The following CCDC93 variants were observed in gnomAD, a reference collection of about 807,000 sequenced individuals.
CCDC93 encodes coiled-coil domain-containing protein 93.
CCDC93 carries 61 observed loss-of-function variants against 108.2 expected under a neutral mutation model. That is an observed-to-expected ratio of 0.56 (90% CI 0.46 to 0.70). The LOEUF is 0.70. Among genes scored for constraint, CCDC93 ranks in the 30% least tolerant of loss-of-function variants. The pLI, the probability that CCDC93 is intolerant of heterozygous loss-of-function variation, is 0.00. For synonymous variants in CCDC93, 276 were observed against 260.4 expected, an observed-to-expected ratio of 1.06 and a Z score of -0.58; for missense variants, 685 against 764.2, an observed-to-expected ratio of 0.90 and a Z score of 1.22.
chr2:117,969,974 G>A (rs924157428), intron 11 of CCDC93, among the ~76,000 whole-genome samples: 2 of 152,046 alleles, frequency 1.3e-5, no homozygotes, highest in African/African-American at 4.8e-5. Context: ...CATTCTTACT[G>A]AAAGGCCCCA....
intron 6 of CCDC93, among the ~76,000 whole-genome samples, chr2:117,994,011 C>T (rs1264688433): frequency 6.6e-6 from 1 of 152,178 alleles, no homozygotes; most frequent in African/African-American, 2.4e-5. Flanking sequence ...GGATTACAGG[C>T]GTGAGCCACT....
Position 117,974,867 on chromosome 2 carries a change from C to A in CCDC93, c.784G>T (p.Ala262Ser). 7 of 1,571,602 alleles carry A rather than the reference C, an allele frequency of 4.5e-6. No homozygotes were observed. The highest frequency in any genetic ancestry group is 3.3e-4 in the Middle Eastern group (2 of 5,974). ...CCACTCACCTCCTCATTTGCCATAG[C>A]GGTCATCTTGGTCATCAGCGACTGA... is the stretch of plus-strand genomic sequence containing the variant. ...RIQSLMTKMT[A>S]MANEESRLTA... is the part of the protein sequence containing the mutation. The change falls in exon 10 of 24, where the codon GCT becomes TCT. Residue 262 changes from alanine (A) to serine (S), a missense_variant. Ala to Ser is a moderately conservative substitution (Grantham distance 99). Coordinates refer to ENST00000376300, the MANE Select transcript of CCDC93 (RefSeq NM_019044.5).
intron 1 of CCDC93, among the ~76,000 whole-genome samples, chr2:118,009,611 G>A (rs1282363095): frequency 6.6e-6 from 1 of 152,206 alleles, no homozygotes; most frequent in African/African-American, 2.4e-5. Flanking sequence ...GGCGGGGGTT[G>A]CAGTGAGGTG....
At chr2:117,933,422 G>C (rs1678411697) in intron 22 of CCDC93, among the ~76,000 whole-genome samples, 1 of 152,134 alleles carries the variant, frequency 6.6e-6, no homozygotes, top group Non-Finnish European at 1.5e-5. Context: ...TCACACCCTA[G>C]GTCTGTGAAG....
chr2:117,933,676 G>C (rs932193347), intron 22 of CCDC93, among the ~76,000 whole-genome samples: 4 of 151,544 alleles, frequency 2.6e-5, no homozygotes, highest in African/African-American at 4.9e-5. Flanking sequence ...ATGAGAGCAG[G>C]ACCCATTAAG....
At chr2:117,949,688 G>A in intron 13 of CCDC93, 1 of 877,992 alleles carries the variant, frequency 1.1e-6, no homozygotes, top group Non-Finnish European at 1.4e-6. Context: ...ATGTGAATGT[G>A]TTACTTATTC....
intron 13 of CCDC93, chr2:117,951,277 G>T: frequency 1.0e-6 from 1 of 985,276 alleles, no homozygotes; most frequent in East Asian, 1.1e-4. Flanking sequence ...AAGGAACCCA[G>T]TCACAGAGCA....
intron 23 of CCDC93, among the ~76,000 whole-genome samples, chr2:117,922,327 A>G (rs553905629): frequency 6.6e-6 from 1 of 152,084 alleles, no homozygotes; most frequent in Non-Finnish European, 1.5e-5. Context: ...AATACAAAAG[A>G]GGCGCTTTGG....
At chr2:117,975,096 TG>T in intron 9 of CCDC93, 91 bp downstream of exon 9, 1 of 1,171,382 alleles carries the variant, frequency 8.5e-7, no homozygotes, top group Non-Finnish European at 1.3e-6. Flanking sequence ...CTGTGGGAGG[TG>T]GTGGCCATTT....
chr2:117,958,591 C>T (rs1679291486), intron 11 of CCDC93, 110 bp from the exon 12 acceptor site: 1 of 704,376 alleles, frequency 1.4e-6, no homozygotes, highest in East Asian at 2.5e-5. Context: ...CCAGTCACAC[C>T]AAGCCAGGGC....
At chr2:117,991,925 G>A (rs1410280398) in intron 6 of CCDC93, among the ~76,000 whole-genome samples, 1 of 152,148 alleles carries the variant, frequency 6.6e-6, no homozygotes, top group African/African-American at 2.4e-5. Context: ...CAGCCCTAGA[G>A]TTTCTGAGAC....
In CCDC93 at chr2:117,918,240, A is replaced by C. The variant is rs1186957631; in HGVS notation, c.*2103T>G. On this transcript the variant is annotated 3_prime_UTR_variant, in exon 24 of 24. Transcript: ENST00000376300. ...TGCAGCAAGTGTGAAATTTGAGCTC[A>C]AACTGGCTTCTGTAGTCTAATTCAA... The C allele has an allele frequency of 6.6e-6, 1 of 152,194 alleles. No individual in the cohort carries two copies. The highest frequency in any genetic ancestry group is 1.5e-5 in the Non-Finnish European group (1 of 68,034). 9.4% of individuals were successfully genotyped at this position (152,194 alleles called of 1,614,324 possible).
intron 23 of CCDC93, among the ~76,000 whole-genome samples, chr2:117,927,369 C>T (rs1318348555): frequency 1.3e-5 from 2 of 152,142 alleles, no homozygotes; most frequent in Admixed American, 1.3e-4. Flanking sequence ...ATCTAGAAAA[C>T]CCCACTGTCT....
At chr2:117,968,096 G>C (rs1461620969) in intron 11 of CCDC93, among the ~76,000 whole-genome samples, 1 of 152,138 alleles carries the variant, frequency 6.6e-6, no homozygotes, top group African/African-American at 2.4e-5. Context: ...CTGTCTTAGG[G>C]AGAAGTCAAC....
intron 3 of CCDC93, among the ~76,000 whole-genome samples, chr2:118,003,266 A>G (rs1676763815): frequency 2.0e-5 from 3 of 152,206 alleles, no homozygotes; most frequent in African/African-American, 4.8e-5. Context: ...ATTTGGCAAC[A>G]TATCTAAGGT....
intron 12 of CCDC93, among the ~76,000 whole-genome samples, chr2:117,957,171 G>T (rs545828034): frequency 6.6e-6 from 1 of 152,120 alleles, no homozygotes; most frequent in Non-Finnish European, 1.5e-5. Flanking sequence ...GATTACAGGC[G>T]TGAGCCACCA....
Position 117,996,373 on chromosome 2 carries a change from A to C in CCDC93, c.364-11T>G, listed in dbSNP as rs1361979210. Reference sequence around the variant, plus strand: ...TCGTTTCACCAGCCACTGGGGAAGAAAGTGAAAAGACAAGAGTTGCTAAGG... The same window carrying C: ...TCGTTTCACCAGCCACTGGGGAAGACAGTGAAAAGACAAGAGTTGCTAAGG... On this transcript the variant is annotated splice_polypyrimidine_tract_variant and intron_variant, in intron 4 of 23. Coordinates refer to ENST00000376300, the MANE Select transcript of CCDC93 (RefSeq NM_019044.5). 1.3e-6 allele frequency: 2 copies of C among 1,594,402 alleles called. No homozygotes were observed. Among genetic ancestry groups the C allele is most frequent in the Admixed American group, 1.7e-5 (1 of 59,986 alleles).
chr2:117,924,832 T>G (rs772710550), intron 23 of CCDC93, among the ~76,000 whole-genome samples: 7 of 152,174 alleles, frequency 4.6e-5, no homozygotes, highest in Non-Finnish European at 8.8e-5. Context: ...AATTGTCAGA[T>G]TCACCAAAGT....
rs1253164544 is a variant in CCDC93 at position 117,971,695 on chromosome 2, T to A, written c.888+2213A>T. ...TGGAAAAGGCAGAAATGAACCAAGATATGGCTTCAAATGGTGTGTTTTTAA... is the reference window on the plus strand; with the variant it reads ...TGGAAAAGGCAGAAATGAACCAAGAAATGGCTTCAAATGGTGTGTTTTTAA... On this transcript the variant is annotated intron_variant, in intron 11 of 23. Coordinates refer to ENST00000376300, the MANE Select transcript of CCDC93 (RefSeq NM_019044.5). Among the ~76,000 whole-genome samples the A allele has an allele frequency of 9.2e-5, 14 of 152,292 alleles. No homozygotes were observed. The East Asian group carries it at 2.7e-3, about 29-fold the overall frequency.
Sources: gnomAD v4.1 joint callset for allele counts (sites outside exome capture counted in the v4.1 genomes callset) on GRCh38, gnomAD v4.1.1 for gene constraint, MANE v1.5 for transcripts, NCBI Gene and HGNC (gene_info 2026-07-23, HGNC 2026-07-21) for gene names.